The following USP10 variants were observed in gnomAD, a reference collection of about 807,000 sequenced individuals.
The protein encoded by USP10 is ubiquitin specific peptidase 10.
Under a neutral mutation model 84.5 loss-of-function variants are expected in USP10, and 22 were observed. The observed-to-expected ratio is 0.26, with a 90% CI of 0.19 to 0.37. The LOEUF (loss-of-function observed/expected upper bound fraction) is 0.37, where lower values mean the gene tolerates loss of function less well. Ranked by LOEUF, USP10 falls within the 10% of genes least tolerant of loss-of-function variation. The pLI is 1.00. For synonymous variants in USP10, 454 were observed against 387.6 expected (o/e 1.17, Z -2.01); for missense variants, 1,019 against 998.9 (o/e 1.02, Z -0.27).
chr16:84,739,340 C>T (rs924814953), intron 2 of USP10, among the ~76,000 whole-genome samples: 8 of 151,960 alleles, frequency 5.3e-5, no homozygotes, highest in Admixed American at 2.6e-4. Flanking sequence ...GGCGCGATCT[C>T]GGCTCACTGC....
At chr16:84,751,417 C>T (rs560016892) in intron 4 of USP10, among the ~76,000 whole-genome samples, 1 of 152,328 alleles carries the variant, frequency 6.6e-6, no homozygotes, top group South Asian at 2.1e-4. Context: ...TTTTGCACTT[C>T]CTCTTCAAAC....
intron 8 of USP10, among the ~76,000 whole-genome samples, chr16:84,762,480 C>G (rs976243937): frequency 6.6e-6 from 1 of 152,158 alleles, no homozygotes; most frequent in Non-Finnish European, 1.5e-5. Context: ...CACCTGAGGT[C>G]AGGAGTTTGA....
chr16:84,707,457 T>C (rs914884911), intron 1 of USP10, among the ~76,000 whole-genome samples: 1 of 151,950 alleles, frequency 6.6e-6, no homozygotes, highest in African/African-American at 2.4e-5. Context: ...GTAGAAGTCA[T>C]TCCCTTCCTC....
At chr16:84,749,223 A>C (rs1911611320) in intron 4 of USP10, among the ~76,000 whole-genome samples, 1 of 152,192 alleles carries the variant, frequency 6.6e-6, no homozygotes, top group Non-Finnish European at 1.5e-5. Flanking sequence ...AAACATACTC[A>C]GTTTGTTACA....
intron 12 of USP10, among the ~76,000 whole-genome samples, chr16:84,774,397 C>T (rs575115150): frequency 1.1e-4 from 16 of 152,136 alleles, no homozygotes; most frequent in South Asian, 1.0e-3. Context: ...AGGGAGTTCC[C>T]GCCTCGTAGC....
intron 13 of USP10, 26 bp downstream of exon 13, chr16:84,775,251 T>G: frequency 6.2e-7 from 1 of 1,608,576 alleles, no homozygotes; most frequent in East Asian, 2.2e-5. Flanking sequence ...CGACATTACT[T>G]CTTCATTAAA....
intron 4 of USP10, among the ~76,000 whole-genome samples, chr16:84,748,724 C>T (rs1315327517): frequency 6.6e-6 from 1 of 152,194 alleles, no homozygotes; most frequent in African/African-American, 2.4e-5. Flanking sequence ...TGTTTTAGAA[C>T]ATTCTACTTA....
chr16:84,730,617 T>G (rs1311942219), intron 1 of USP10, among the ~76,000 whole-genome samples: 1 of 152,170 alleles, frequency 6.6e-6, no homozygotes, highest in Non-Finnish European at 1.5e-5. Context: ...GTGTCTGCGT[T>G]TGAAACAGGA....
intron 1 of USP10, among the ~76,000 whole-genome samples, chr16:84,720,965 C>T (rs540743169): frequency 1.1e-3 from 170 of 149,612 alleles, no homozygotes; most frequent in African/African-American, 3.7e-3. Context: ...GCGATCTCAG[C>T]TCACGGCAAC....
intron 1 of USP10, among the ~76,000 whole-genome samples, chr16:84,727,636 C>G (rs1451643357): frequency 6.6e-6 from 1 of 152,240 alleles, no homozygotes; most frequent in Non-Finnish European, 1.5e-5. Context: ...CTGGAATTCT[C>G]TGTCTGCAAA....
At chr16:84,715,315 A>G (rs1445989680) in intron 1 of USP10, among the ~76,000 whole-genome samples, 1 of 152,246 alleles carries the variant, frequency 6.6e-6, no homozygotes, top group Non-Finnish European at 1.5e-5. Context: ...GAAGATAACC[A>G]AAGCATCCTT....
At chr16:84,758,611 C>A in intron 4 of USP10, 105 bp from the exon 5 acceptor site, 1 of 796,508 alleles carries the variant, frequency 1.3e-6, no homozygotes, top group Non-Finnish European at 2.2e-6. Flanking sequence ...GTGTGTTTTA[C>A]TGAAGGGATT....
At chr16:84,738,409 C>T (rs1445709275) in intron 2 of USP10, among the ~76,000 whole-genome samples, 3 of 152,168 alleles carry the variant, frequency 2.0e-5, no homozygotes, top group South Asian at 2.1e-4. Flanking sequence ...AGAGGGCATT[C>T]TATGTATCAG....
At chr16:84,740,256 G>A (rs553706103) in intron 2 of USP10, 53 bp from the exon 3 acceptor site, 101 of 1,520,116 alleles carry the variant, frequency 6.6e-5, no homozygotes, top group East Asian at 3.6e-4. Flanking sequence ...AATGGTAAGC[G>A]TTGGTTTTAA....
At chr16:84,702,497 G>A (rs1028967855) in intron 1 of USP10, among the ~76,000 whole-genome samples, 4 of 152,148 alleles carry the variant, frequency 2.6e-5, no homozygotes, top group Admixed American at 6.5e-5. Context: ...GTTGCCTACT[G>A]TCCTAAGAGT....
chr16:84,750,548 G>A (rs1331343418), intron 4 of USP10, among the ~76,000 whole-genome samples: 1 of 152,178 alleles, frequency 6.6e-6, no homozygotes, highest in Non-Finnish European at 1.5e-5. Flanking sequence ...ATACTTTGGA[G>A]TTGACGAACA....
intron 12 of USP10, among the ~76,000 whole-genome samples, chr16:84,772,902 A>ATC (rs1306965108): frequency 2.0e-5 from 3 of 152,338 alleles, no homozygotes; most frequent in Admixed American, 6.5e-5. Flanking sequence ...AAACTCTATA[A>ATC]TCTTACTAGA....
At chr16:84,700,152 C>T (rs1478220152) in intron 1 of USP10, 41 bp downstream of exon 1, 8 of 1,243,852 alleles carry the variant, frequency 6.4e-6, no homozygotes, top group East Asian at 4.3e-5. Flanking sequence ...GGGGCCCGAG[C>T]CCCGGGCGGG....
At chr16:84,731,928 T>TC (rs1168343432) in intron 1 of USP10, among the ~76,000 whole-genome samples, 1 of 152,196 alleles carries the variant, frequency 6.6e-6, no homozygotes, top group African/African-American at 2.4e-5. Context: ...TCTATATTCT[T>TC]CACTGAAAAG....
Sources: allele counts gnomAD v4.1 joint callset (sites outside exome capture counted in the v4.1 genomes callset), GRCh38; gene constraint gnomAD v4.1.1; transcripts MANE v1.5; gene names NCBI Gene and HGNC (gene_info 2026-07-23, HGNC 2026-07-21).